The following AK7 variants were observed in gnomAD, a reference collection of about 807,000 sequenced individuals.
AK7 encodes adenylate kinase 7.
A neutral mutation model predicts 96.6 loss-of-function variants in AK7; 78 were observed. The observed-to-expected ratio is 0.81, with a 90% confidence interval of 0.67 to 0.97. The LOEUF (loss-of-function observed/expected upper bound fraction) is 0.97. AK7 is among the 50% of genes least tolerant of loss of function. The pLI is 0.00. For missense variants in AK7, 855 were observed against 887.9 expected (o/e 0.96, Z 0.47); for synonymous variants, 302 against 317.2 (o/e 0.95, Z 0.51).
At chr14:96,426,634 A>G (rs1595398625) in intron 5 of AK7, among the ~76,000 whole-genome samples, 1 of 152,174 alleles carries the variant, frequency 6.6e-6, no homozygotes, top group East Asian at 1.9e-4. Flanking sequence ...TTTGTCTGGG[A>G]AAGTATTTCT....
intron 10 of AK7, 88 bp from the exon 11 acceptor site, chr14:96,456,259 A>AGCC: frequency 1.1e-6 from 1 of 931,434 alleles, no homozygotes; most frequent in Non-Finnish European, 1.5e-6. Flanking sequence ...AAAAAAAAAA[A>AGCC]AAGCACTCCC....
intron 1 of AK7, 28 bp from the exon 2 acceptor site, chr14:96,398,047 C>T (rs375973401): frequency 6.2e-7 from 1 of 1,603,058 alleles, no homozygotes; most frequent in African/African-American, 1.3e-5. Flanking sequence ...TTTCTCTTAC[C>T]ATTTGGGAAA....
At chr14:96,443,171 G>A (rs1311734431) in intron 7 of AK7, among the ~76,000 whole-genome samples, 3 of 152,174 alleles carry the variant, frequency 2.0e-5, no homozygotes, top group African/African-American at 7.2e-5. Context: ...TGTCTAACCC[G>A]TCAACTTAAA....
intron 11 of AK7, 79 bp downstream of exon 11, chr14:96,456,554 G>A (rs913958382): frequency 1.7e-5 from 25 of 1,505,318 alleles, no homozygotes; most frequent in Admixed American, 5.5e-5. Context: ...TATATGATTC[G>A]AATTAGCCAG....
intron 3 of AK7, 188 bp downstream of exon 3, chr14:96,405,053 CA>C (rs1191635244): frequency 2.6e-5 from 9 of 341,028 alleles, no homozygotes; most frequent in Non-Finnish European, 3.2e-5. Flanking sequence ...TTTTAATTAT[CA>C]AAAAAATGAA....
At chr14:96,440,281 AT>A (rs1230612715) in intron 6 of AK7, among the ~76,000 whole-genome samples, 10 of 152,054 alleles carry the variant, frequency 6.6e-5, no homozygotes, top group African/African-American at 2.2e-4. Context: ...CCTCGAACTG[AT>A]TTTTTTAATA....
intron 2 of AK7, among the ~76,000 whole-genome samples, chr14:96,403,186 T>C (rs920595628): frequency 6.6e-6 from 1 of 151,962 alleles, no homozygotes; most frequent in African/African-American, 2.4e-5. Flanking sequence ...TATCATCCAA[T>C]ATGACCAGTG....
At chr14:96,458,343 C>A in intron 12 of AK7, 131 bp downstream of exon 12, 1 of 1,225,448 alleles carries the variant, frequency 8.2e-7, no homozygotes, top group Non-Finnish European at 1.1e-6. Flanking sequence ...TGCCTGTAAT[C>A]CCAGCACTTT....
chr14:96,476,871 T>A (rs948950890), intron 14 of AK7, among the ~76,000 whole-genome samples: 3 of 152,226 alleles, frequency 2.0e-5, no homozygotes, highest in Non-Finnish European at 4.4e-5. Flanking sequence ...AATTCATAGA[T>A]TATTAACATA....
intron 15 of AK7, among the ~76,000 whole-genome samples, chr14:96,482,273 G>A (rs1361456556): frequency 6.6e-6 from 1 of 152,106 alleles, no homozygotes; most frequent in African/African-American, 2.4e-5. Flanking sequence ...ACATGGGAGG[G>A]GTGGGCACAG....
At chr14:96,457,206 G>A (rs1473577199) in intron 11 of AK7, among the ~76,000 whole-genome samples, 2 of 151,866 alleles carry the variant, frequency 1.3e-5, no homozygotes, top group Admixed American at 6.6e-5. Flanking sequence ...GATTACAGGT[G>A]TGTGCCACTA....
Position 96,398,089 on chromosome 14 carries a change from T to C in AK7, c.120T>C (p.Cys40=), listed in dbSNP as rs986783755. The C allele has an allele frequency of 3.7e-6, 6 of 1,613,956 alleles. No individual in the cohort carries two copies. Among genetic ancestry groups the C allele is most frequent in the South Asian group, 1.1e-5 (1 of 91,074 alleles). ...TTTCCTTGCAGTTTCTATCTAACTG[T>C]GTAGTTGGGGCTTCGCTTGAAGAAA... ...SGNIGKFLSN[C]VVGASLEEIT... is the part of the protein sequence containing the mutation. The change falls in exon 2 of 18, where the codon TGT becomes TGC. Residue 40 remains cysteine, a synonymous_variant. Transcript: ENST00000267584.
chr14:96,478,870 G>T (rs1895343355), intron 15 of AK7, among the ~76,000 whole-genome samples: 1 of 151,670 alleles, frequency 6.6e-6, no homozygotes, highest in African/African-American at 2.4e-5. Flanking sequence ...TATCGTATGA[G>T]AATTTATGGA....
intron 5 of AK7, 81 bp from the exon 6 acceptor site, chr14:96,437,754 A>G: frequency 2.8e-6 from 3 of 1,076,514 alleles, no homozygotes; most frequent in Non-Finnish European, 4.1e-6. Flanking sequence ...GAAAGTGCTC[A>G]TTTTAACTAC....
At chr14:96,422,646 G>A (rs1170282209) in intron 5 of AK7, among the ~76,000 whole-genome samples, 10 of 152,168 alleles carry the variant, frequency 6.6e-5, no homozygotes. Flanking sequence ...TCTCTGCAGG[G>A]GGAAGCACAT....
intron 12 of AK7, among the ~76,000 whole-genome samples, chr14:96,468,016 C>A (rs1240614042): frequency 7.0e-6 from 1 of 142,052 alleles, no homozygotes; most frequent in Non-Finnish European, 1.5e-5. Context: ...GCAGGAAGAT[C>A]ACTTGAGGCC....
intron 14 of AK7, among the ~76,000 whole-genome samples, chr14:96,473,577 G>A (rs976762954): frequency 6.6e-6 from 1 of 151,624 alleles, no homozygotes; most frequent in African/African-American, 2.4e-5. Flanking sequence ...GTTTAATAAA[G>A]TAGGATTTTT....
intron 1 of AK7, among the ~76,000 whole-genome samples, chr14:96,394,090 C>T (rs968249191): frequency 3.3e-5 from 5 of 149,766 alleles, no homozygotes; most frequent in Non-Finnish European, 7.4e-5. Flanking sequence ...GCCTGGGCAA[C>T]AGAGTGAAAC....
Position 96,449,820 on chromosome 14 carries a change from G to A in AK7, c.889G>A (p.Gly297Ser). 6.2e-7 allele frequency: 1 copy of A among 1,610,394 alleles called. No homozygotes were observed. The highest frequency in any genetic ancestry group is 8.5e-7 in the Non-Finnish European group (1 of 1,178,238). ...CTAACAGTGTATCAGTAAAAATACT[G>A]GCCCTGGGAAAATCCAGAAAATACC... is the stretch of plus-strand genomic sequence containing the variant. ...DIVKCISKNT[G>S]PGKIQKIPRE... The change falls in exon 9 of 18, where the codon GGC (glycine) becomes AGC (serine). Residue 297 changes from glycine to serine, a missense_variant. Physicochemically the swap from Gly to Ser is moderately conservative, Grantham distance 56. Coordinates refer to ENST00000267584, the MANE Select transcript of AK7 (RefSeq NM_152327.5).
Sources: allele counts gnomAD v4.1 joint callset (sites outside exome capture counted in the v4.1 genomes callset), GRCh38; gene constraint gnomAD v4.1.1; transcripts MANE v1.5; gene names NCBI Gene and HGNC (gene_info 2026-07-23, HGNC 2026-07-21).